The following PHIP variants were observed in gnomAD, a reference collection of about 807,000 sequenced individuals.
The protein encoded by PHIP is PH-interacting protein.
Under a neutral mutation model 236.8 loss-of-function variants are expected in PHIP, and 54 were observed. The ratio of observed to expected loss-of-function variants is 0.23; its 90% CI spans 0.18 to 0.29. The LOEUF is 0.29. Ranked by LOEUF, PHIP falls within the 10% of genes least tolerant of loss-of-function variation. PHIP has a pLI of 1.00. For missense variants in PHIP, 1,370 were observed against 2,190.8 expected, an observed-to-expected ratio of 0.63 and a Z score of 7.48; for synonymous variants, 756 against 718.9, an observed-to-expected ratio of 1.05 and a Z score of -0.83.
chr6:78,969,974 T>G, intron 26 of PHIP, 57 bp from the exon 27 acceptor site: 2 of 1,580,168 alleles, frequency 1.3e-6, no homozygotes, highest in Non-Finnish European at 1.7e-6. Context: ...ACCTAAAAGA[T>G]GTTCAAATGT....
intron 13 of PHIP, among the ~76,000 whole-genome samples, chr6:79,016,315 C>T (rs1339872792): frequency 1.3e-5 from 2 of 151,828 alleles, no homozygotes; most frequent in African/African-American, 4.8e-5. Context: ...ACTTTTCTTA[C>T]AGTACTTTTA....
intron 24 of PHIP, 105 bp from the exon 25 acceptor site, chr6:78,970,993 T>G: frequency 1.4e-6 from 1 of 707,312 alleles, no homozygotes; most frequent in East Asian, 2.9e-5. Flanking sequence ...CCTTTTCAGC[T>G]AATAGAAATT....
At chr6:79,001,709 A>G (rs1218169598) in intron 17 of PHIP, among the ~76,000 whole-genome samples, 190 bp downstream of exon 17, 3 of 152,136 alleles carry the variant, frequency 2.0e-5, no homozygotes, top group South Asian at 2.1e-4. Context: ...CAAAATTATT[A>G]CTGTAAATCG....
intron 4 of PHIP, among the ~76,000 whole-genome samples, chr6:79,062,980 A>C (rs1280085209): frequency 6.6e-6 from 1 of 152,200 alleles, no homozygotes; most frequent in Non-Finnish European, 1.5e-5. Flanking sequence ...ATGTCCCTTC[A>C]TCCCTCTAGC....
chr6:78,946,939 CTGTAA>C (rs1773854232), intron 36 of PHIP, 65 bp from the exon 37 acceptor site: 1 of 889,598 alleles, frequency 1.1e-6, no homozygotes, highest in South Asian at 1.7e-5. Context: ...TCAGTAAATA[CTGTAA>C]TGTAAATATT....
chr6:79,060,184 T>C (rs984616376), intron 6 of PHIP, among the ~76,000 whole-genome samples: 1 of 152,070 alleles, frequency 6.6e-6, no homozygotes, highest in Non-Finnish European at 1.5e-5. Flanking sequence ...CTGAATTATA[T>C]ATTGATTCTA....
At chr6:78,944,824 A>T (rs1168280393) in intron 39 of PHIP, among the ~76,000 whole-genome samples, 1 of 152,130 alleles carries the variant, frequency 6.6e-6, no homozygotes, top group East Asian at 1.9e-4. Context: ...TTTATTATTT[A>T]CCTTCTTCAT....
At chr6:78,989,819 A>T (rs1162609210) in intron 20 of PHIP, among the ~76,000 whole-genome samples, 2 of 152,188 alleles carry the variant, frequency 1.3e-5, no homozygotes, top group African/African-American at 4.8e-5. Flanking sequence ...TTATCTCAGC[A>T]AAGGATGCAA....
intron 9 of PHIP, among the ~76,000 whole-genome samples, chr6:79,023,579 T>A (rs1211125641): frequency 6.6e-6 from 1 of 151,984 alleles, no homozygotes; most frequent in African/African-American, 2.4e-5. Context: ...TGCAAGCTAT[T>A]AAAATACATA....
In PHIP at chr6:79,026,158, C is replaced by A; in HGVS notation, c.607G>T (p.Asp203Tyr). The change falls in exon 8 of 40, where the codon GAT becomes TAT. Residue 203 changes from aspartate (D) to tyrosine (Y), a missense_variant. Physicochemically the swap from Asp to Tyr is radical, Grantham distance 160 (BLOSUM62 -3). Coordinates refer to ENST00000275034, the MANE Select transcript of PHIP (RefSeq NM_017934.7). ...GCCCATATTTTCACAAGACAGTCAT[C>A]AGAACCCTTAAAGTAAGAATGGATA... ...RTGRRIFTGSDDCLVKIWATD... is the reference protein window; with the variant it reads ...RTGRRIFTGSYDCLVKIWATD... The A allele has an allele frequency of 6.2e-7, 1 of 1,610,564 alleles. No homozygotes were observed. The highest frequency in any genetic ancestry group is 8.5e-7 in the Non-Finnish European group (1 of 1,176,862).
chr6:78,987,271 A>T (rs1562154976), intron 21 of PHIP, among the ~76,000 whole-genome samples: 1 of 152,124 alleles, frequency 6.6e-6, no homozygotes, highest in Non-Finnish European at 1.5e-5. Flanking sequence ...ACATTTTATA[A>T]GATAAATAAT....
At chr6:79,077,964 C>CG (rs780336406) in intron 1 of PHIP, 51 bp from the exon 2 acceptor site, 8 of 1,512,348 alleles carry the variant, frequency 5.3e-6, no homozygotes, top group East Asian at 2.3e-5. Flanking sequence ...GGTCGGGCGG[C>CG]GGGGGGCGGG....
chr6:79,047,504 T>G (rs1454613390), intron 6 of PHIP, among the ~76,000 whole-genome samples: 1 of 152,200 alleles, frequency 6.6e-6, no homozygotes, highest in Non-Finnish European at 1.5e-5. Flanking sequence ...AAAACAGCAT[T>G]TTAACAGCTA....
intron 35 of PHIP, 128 bp from the exon 36 acceptor site, chr6:78,947,903 CCCT>C: frequency 1.1e-5 from 6 of 522,030 alleles, no homozygotes; most frequent in South Asian, 4.3e-5. Context: ...ACTCCTGTTC[CCCT>C]TATCAAGAGT....
At chr6:78,996,257 T>C (rs2127727523) in intron 19 of PHIP, among the ~76,000 whole-genome samples, 1 of 152,332 alleles carries the variant, frequency 6.6e-6, no homozygotes, top group East Asian at 1.9e-4. Flanking sequence ...CCACATGTCC[T>C]GTCCCACAAG....
At chr6:79,032,160 C>A (rs562980851) in intron 7 of PHIP, among the ~76,000 whole-genome samples, 1 of 152,314 alleles carries the variant, frequency 6.6e-6, no homozygotes, top group South Asian at 2.1e-4. Context: ...TGCTAATTAT[C>A]TGAAACTTCA....
Position 79,060,579 on chromosome 6 carries a change from A to G in PHIP, c.341-3T>C. ...TTTCCACACAACATGCTTGCAGCCT[A>G]TTAAACACATGTATTTTTATGCATA... On this transcript the variant is annotated splice_region_variant and splice_polypyrimidine_tract_variant and intron_variant, in intron 5 of 39. Coordinates refer to ENST00000275034, the MANE Select transcript of PHIP (RefSeq NM_017934.7). 1 of 1,613,234 alleles carries G rather than the reference A, an allele frequency of 6.2e-7. No individual in the cohort carries two copies.
intron 33 of PHIP, 85 bp from the exon 34 acceptor site, chr6:78,955,367 T>C (rs2127691493): frequency 4.1e-6 from 4 of 974,688 alleles, no homozygotes; most frequent in East Asian, 5.0e-5. Flanking sequence ...TTATTTCCTT[T>C]ACACACTGGA....
At chr6:78,950,140 T>G (rs1279991874) in intron 35 of PHIP, among the ~76,000 whole-genome samples, 1 of 152,224 alleles carries the variant, frequency 6.6e-6, no homozygotes, top group Non-Finnish European at 1.5e-5. Context: ...CTTGATATAA[T>G]CATGAGATTT....
Sources: gnomAD v4.1 joint callset for allele counts (sites outside exome capture counted in the v4.1 genomes callset) on GRCh38, gnomAD v4.1.1 for gene constraint, MANE v1.5 for transcripts, NCBI Gene and HGNC (gene_info 2026-07-23, HGNC 2026-07-21) for gene names.